Variants in PRRC2B observed in about 807,000 individuals in gnomAD.
PRRC2B encodes the protein protein PRRC2B.
A neutral mutation model predicts 242.3 loss-of-function variants in PRRC2B; 68 were observed. The ratio of observed to expected loss-of-function variants is 0.28; its 90% CI spans 0.23 to 0.34. The LOEUF is 0.34. Among genes scored for constraint, PRRC2B ranks in the 10% least tolerant of loss-of-function variants. The probability of loss-of-function intolerance (pLI) is 1.00; values close to 1 mark genes in which losing one functional copy is unlikely to be tolerated. For synonymous variants in PRRC2B, 1,228 were observed against 1,173.6 expected, an observed-to-expected ratio of 1.05 and a Z score of -0.95; for missense variants, 2,835 against 2,954.8, an observed-to-expected ratio of 0.96 and a Z score of 0.94.
intron 1 of PRRC2B, among the ~76,000 whole-genome samples, chr9:131,427,281 T>G (rs1462835673): frequency 6.6e-6 from 1 of 152,188 alleles, no homozygotes; most frequent in Non-Finnish European, 1.5e-5. Context: ...GGCCCCTGTT[T>G]GTAATCGATT....
intron 30 of PRRC2B, among the ~76,000 whole-genome samples, chr9:131,493,918 A>T (rs1301250841): frequency 6.6e-6 from 1 of 152,138 alleles, no homozygotes; most frequent in Non-Finnish European, 1.5e-5. Context: ...GGAACTAACT[A>T]GTGGTCAGTG....
intron 19 of PRRC2B, among the ~76,000 whole-genome samples, chr9:131,481,327 A>AAAAG (rs1554765599): frequency 3.0e-4 from 45 of 151,434 alleles, no homozygotes; most frequent in African/African-American, 1.1e-3. Context: ...AAAAAAAAAA[A>AAAAG]AAAAAGAAAG....
chr9:131,403,838 G>GAT (rs1837288433), intron 1 of PRRC2B, among the ~76,000 whole-genome samples: 1 of 151,914 alleles, frequency 6.6e-6, no homozygotes, highest in Admixed American at 6.6e-5. Flanking sequence ...ACAAAAATGG[G>GAT]ATATACTATA....
In PRRC2B at chr9:131,476,195, C is replaced by T. The variant is rs778603862; in HGVS notation, c.4066C>T (p.Arg1356Cys). 51 of 1,613,432 alleles carry T rather than the reference C, an allele frequency of 3.2e-5. No homozygotes were observed. Among genetic ancestry groups the T allele is most frequent in the Non-Finnish European group, 3.6e-5 (42 of 1,179,868 alleles). Residue 1356 changes from arginine to cysteine, a missense_variant, in exon 16 of 32, where the codon CGC becomes TGC. Around this residue, in one of 7 missense-constraint regions of PRRC2B, gnomAD observed 1,536 missense variants for 1,483.1 expected, o/e 1.04. Transcript: ENST00000683519. ...CSGDKSGTVG[R>C]RSPELSYQNS... ...TGGGGACAAGAGTGGCACTGTGGGC[C>T]GCAGGTCCCCTGAGCTCTCCTACCA...
At position 131,482,690 on chromosome 9, in the gene PRRC2B, C is replaced by G. The variant is rs757120744; in HGVS notation, c.5176-20C>G. 1 of 1,546,242 alleles carries G rather than the reference C, an allele frequency of 6.5e-7. No individual in the cohort carries two copies. On this transcript the variant is annotated intron_variant, in intron 21 of 31. Coordinates refer to ENST00000683519, the MANE Select transcript of PRRC2B (RefSeq NM_013318.4). The surrounding 1 kb of genome is among the most constrained non-coding windows in gnomAD (Gnocchi z 5.2). Reference sequence around the variant, plus strand: ...GTCATTCCAGTCTGTGTGTCTCCACCTCTCTGCTTTTTTATCAAGGATTCA... The same window carrying G: ...GTCATTCCAGTCTGTGTGTCTCCACGTCTCTGCTTTTTTATCAAGGATTCA...
intron 1 of PRRC2B, among the ~76,000 whole-genome samples, chr9:131,381,258 G>A (rs1836756035): frequency 6.6e-6 from 1 of 152,164 alleles, no homozygotes; most frequent in South Asian, 2.1e-4. Flanking sequence ...CAGAAAGGGA[G>A]CAGGTGGGAT....
At chr9:131,400,689 GGCATGA>G (rs1368836477) in intron 1 of PRRC2B, among the ~76,000 whole-genome samples, 1 of 152,156 alleles carries the variant, frequency 6.6e-6, no homozygotes, top group African/African-American at 2.4e-5. Context: ...TGGGATTACA[GGCATGA>G]GCCACGGCAC....
At chr9:131,441,412 T>C (rs1838567938) in intron 5 of PRRC2B, among the ~76,000 whole-genome samples, 1 of 152,008 alleles carries the variant, frequency 6.6e-6, no homozygotes, top group South Asian at 2.1e-4. Context: ...AATTTTAAAC[T>C]GGACGTGGTG....
At chr9:131,423,075 A>G (rs1324673286) in intron 1 of PRRC2B, among the ~76,000 whole-genome samples, 2 of 152,196 alleles carry the variant, frequency 1.3e-5, no homozygotes, top group East Asian at 1.9e-4. Flanking sequence ...TGTCTGCTTC[A>G]TATGTCATAC....
At chr9:131,442,899 CAGGTTGTA>C (rs1453937073) in intron 5 of PRRC2B, among the ~76,000 whole-genome samples, 1 of 152,126 alleles carries the variant, frequency 6.6e-6, no homozygotes, top group African/African-American at 2.4e-5. Flanking sequence ...TTCTCTAAAG[CAGGTTGTA>C]ATGTCAAGGA....
intron 1 of PRRC2B, among the ~76,000 whole-genome samples, chr9:131,418,135 G>A (rs573919544): frequency 2.0e-5 from 3 of 152,366 alleles, no homozygotes; most frequent in East Asian, 3.9e-4. Context: ...ACTATCTGCT[G>A]AACTCCTCTG....
chr9:131,426,337 CAAAAAAAAAA>C (rs5900939), intron 1 of PRRC2B, among the ~76,000 whole-genome samples: 4 of 84,484 alleles, frequency 4.7e-5, no homozygotes, highest in African/African-American at 1.7e-4. Context: ...AACTCTGTCT[CAAAAAAAAAA>C]AAAAAAAAAA....
At chr9:131,484,831 C>T in intron 24 of PRRC2B, 41 bp downstream of exon 24, 2 of 1,573,392 alleles carry the variant, frequency 1.3e-6, no homozygotes, top group Admixed American at 1.8e-5. Flanking sequence ...CACCCAGTAC[C>T]TTAGCTTACA....
chr9:131,399,258 CAG>C (rs1239219857), intron 1 of PRRC2B, among the ~76,000 whole-genome samples: 16 of 114,600 alleles, frequency 1.4e-4, no homozygotes, highest in East Asian at 2.4e-4. Context: ...GCCTGGGAGA[CAG>C]AGTGAAATTC....
At chr9:131,412,918 C>T (rs1026511223) in intron 1 of PRRC2B, among the ~76,000 whole-genome samples, 3 of 151,656 alleles carry the variant, frequency 2.0e-5, no homozygotes, top group African/African-American at 4.8e-5. Flanking sequence ...CTCAGCCTCC[C>T]GAGTAGCTGG....
chr9:131,444,756 C>T (rs1838732962), intron 6 of PRRC2B, among the ~76,000 whole-genome samples: 2 of 152,134 alleles, frequency 1.3e-5, no homozygotes, highest in Admixed American at 1.3e-4. Flanking sequence ...CAATTAGGAC[C>T]TGTATTTTTA....
chr9:131,383,813 G>A (rs193044221), intron 1 of PRRC2B, among the ~76,000 whole-genome samples: 1 of 152,042 alleles, frequency 6.6e-6, no homozygotes, highest in Admixed American at 6.6e-5. Flanking sequence ...AGTAGAGACA[G>A]GGTTTCACTG....
At chr9:131,489,246 G>A (rs1478868086) in intron 28 of PRRC2B, among the ~76,000 whole-genome samples, 6 of 149,696 alleles carry the variant, frequency 4.0e-5, no homozygotes, top group Non-Finnish European at 7.4e-5. Flanking sequence ...GTGCAGTGGC[G>A]CAATCTCGGC....
chr9:131,483,765 C>G (rs1057091332), intron 23 of PRRC2B, among the ~76,000 whole-genome samples: 1 of 152,176 alleles, frequency 6.6e-6, no homozygotes, highest in Non-Finnish European at 1.5e-5. Context: ...GAGAGCCCTC[C>G]TCAGGAGGCC....
Sources: allele counts gnomAD v4.1 joint callset (sites outside exome capture counted in the v4.1 genomes callset), GRCh38; gene constraint gnomAD v4.1.1; regional missense constraint gnomAD v4.1.1; non-coding constraint Gnocchi (gnomAD v3.1); transcripts MANE v1.5; gene names NCBI Gene and HGNC (gene_info 2026-07-23, HGNC 2026-07-21).